The following TPD52L2 variants were observed in gnomAD, a reference collection of about 807,000 sequenced individuals.
TPD52L2 encodes the protein TPD52 like 2.
TPD52L2 carries 19 observed loss-of-function variants against 24.7 expected under a neutral mutation model. The observed-to-expected ratio is 0.77, with a 90% CI of 0.54 to 1.13. The LOEUF (loss-of-function observed/expected upper bound fraction) is 1.13, where lower values mean the gene tolerates loss of function less well. Among genes scored for constraint, TPD52L2 ranks in the 50% most tolerant of loss-of-function variants. The pLI, the probability that TPD52L2 is intolerant of heterozygous loss-of-function variation, is 0.00. For synonymous variants in TPD52L2, 104 were observed against 100.2 expected, an observed-to-expected ratio of 1.04 and a Z score of -0.23; for missense variants, 236 against 250.4, an observed-to-expected ratio of 0.94 and a Z score of 0.39.
chr20:63,880,864 C>T (rs1380916899), intron 4 of TPD52L2, among the ~76,000 whole-genome samples: 3 of 147,530 alleles, frequency 2.0e-5, no homozygotes, highest in Non-Finnish European at 4.4e-5. Flanking sequence ...GCACTCCAGC[C>T]TGGGCTACAG....
intron 3 of TPD52L2, among the ~76,000 whole-genome samples, chr20:63,874,806 CTTG>C (rs986331113): frequency 1.7e-4 from 26 of 152,008 alleles, no homozygotes; most frequent in African/African-American, 6.0e-4. Context: ...TTCTGTGGTC[CTTG>C]TTGTGGGTGT....
At chr20:63,866,203 C>T (rs1478006387) in intron 1 of TPD52L2, among the ~76,000 whole-genome samples, 1 of 151,988 alleles carries the variant, frequency 6.6e-6, no homozygotes, top group Non-Finnish European at 1.5e-5. Flanking sequence ...CTCCCGGGTT[C>T]AAGCGATTCT....
chr20:63,876,589 G>A, intron 4 of TPD52L2: 1 of 361,390 alleles, frequency 2.8e-6, no homozygotes, highest in South Asian at 2.0e-5. Context: ...AGTCTCTGTG[G>A]GATTTTTTCA....
chr20:63,889,371 C>T, intron 6 of TPD52L2, 133 bp downstream of exon 6: 4 of 836,256 alleles, frequency 4.8e-6, no homozygotes, highest in South Asian at 1.5e-5. Flanking sequence ...TTCCTTGTGC[C>T]TTTTACACAG....
At chr20:63,871,227 GAGAC>G (rs1343040417) in intron 2 of TPD52L2, among the ~76,000 whole-genome samples, 20 of 151,990 alleles carry the variant, frequency 1.3e-4, no homozygotes, top group African/African-American at 4.6e-4. Context: ...ATTTTTAGTA[GAGAC>G]AGAGTTTCAC....
At chr20:63,867,487 A>C (rs1042012898) in intron 1 of TPD52L2, among the ~76,000 whole-genome samples, 6 of 151,752 alleles carry the variant, frequency 4.0e-5, no homozygotes, top group Admixed American at 2.0e-4. Flanking sequence ...AATCGATTGA[A>C]CCCAGGAGGT....
intron 2 of TPD52L2, among the ~76,000 whole-genome samples, chr20:63,871,308 G>T (rs140387972): frequency 6.6e-6 from 1 of 151,498 alleles, no homozygotes; most frequent in Non-Finnish European, 1.5e-5. Context: ...CTCCCGAAGT[G>T]CTAGGATTAC....
intron 1 of TPD52L2, 99 bp from the exon 2 acceptor site, chr20:63,869,197 C>T (rs1326616263): frequency 5.7e-6 from 8 of 1,400,640 alleles, no homozygotes; most frequent in Non-Finnish European, 8.0e-6. Context: ...CAGGGTCTCA[C>T]CCACTCCCAC....
chr20:63,871,531 G>A (rs570655180), intron 2 of TPD52L2, among the ~76,000 whole-genome samples: 78 of 151,324 alleles, frequency 5.2e-4, no homozygotes, highest in African/African-American at 1.8e-3. Flanking sequence ...TGTATTTTTA[G>A]TAGAGACGGA....
intron 4 of TPD52L2, among the ~76,000 whole-genome samples, chr20:63,882,466 G>A (rs958243452): frequency 2.0e-5 from 3 of 152,260 alleles, no homozygotes; most frequent in Non-Finnish European, 2.9e-5. Context: ...CAGGGCTGGG[G>A]GGCCGAGACT....
rs550068833 is a variant in TPD52L2, at chr20:63,866,911, A to G, written c.19+1527A>G. Among the ~76,000 whole-genome samples, 18 of 151,130 alleles carry G rather than the reference A, an allele frequency of 1.2e-4. No homozygotes were observed. In the South Asian group the frequency reaches 2.1e-3, roughly 18 times the overall value. On this transcript the variant is annotated intron_variant, in intron 1 of 6. Transcript: ENST00000346249. Reference sequence around the variant, plus strand: ...GTCAGCCTCCCAGGTAGCTGGGACTATAAGACTACAGGCGCACCATGCCAG... The same window carrying G: ...GTCAGCCTCCCAGGTAGCTGGGACTGTAAGACTACAGGCGCACCATGCCAG...
chr20:63,870,994 G>A (rs777785953), intron 2 of TPD52L2, among the ~76,000 whole-genome samples: 5 of 151,158 alleles, frequency 3.3e-5, no homozygotes, highest in Non-Finnish European at 7.4e-5. Flanking sequence ...GGGATTACAG[G>A]TGTGAGCCAC....
chr20:63,875,884 C>T lies in TPD52L2; in HGVS notation c.374+9C>T. On this transcript the variant is annotated intron_variant, in intron 4 of 6. Coordinates refer to ENST00000346249, the MANE Select transcript of TPD52L2 (RefSeq NM_003288.4). Reference sequence around the variant, plus strand: ...GTGACCCAGTCAGACCTGTGAGTGCCTGTATCATCAGCACCTCCTCCTTCC... The same window carrying T: ...GTGACCCAGTCAGACCTGTGAGTGCTTGTATCATCAGCACCTCCTCCTTCC... The T allele has an allele frequency of 1.9e-6, 3 of 1,613,978 alleles. No individual in the cohort carries two copies. The highest frequency in any genetic ancestry group is 2.5e-6 in the Non-Finnish European group (3 of 1,179,876).
intron 5 of TPD52L2, chr20:63,888,081 G>A (rs1452799313): frequency 1.1e-5 from 2 of 182,562 alleles, no homozygotes; most frequent in Non-Finnish European, 2.3e-5. Context: ...ATTCTCAGGA[G>A]AGCCCAGAAC....
In TPD52L2 at chr20:63,890,075, C is replaced by T. The variant is rs2053276001; in HGVS notation, c.*130C>T. The T allele has an allele frequency of 6.6e-7, 1 of 1,519,404 alleles. No homozygotes were observed. The highest frequency in any genetic ancestry group is 1.4e-5 in the African/African-American group (1 of 72,678). 94.1% of individuals were successfully genotyped at this position (1,519,404 alleles called of 1,614,324 possible). ...CGGCCCTGAGGACAGTCCTGCCCAT[C>T]CACGCGGAGATGTGGCTGCCGCGTT... On this transcript the variant is annotated 3_prime_UTR_variant, in exon 7 of 7. Coordinates refer to ENST00000346249, the MANE Select transcript of TPD52L2 (RefSeq NM_003288.4).
rs184562437 is a variant in TPD52L2 at position 63,876,888 on chromosome 20, C to T, written c.374+1013C>T. On this transcript the variant is annotated intron_variant, in intron 4 of 6. Transcript: ENST00000346249. The stretch of plus-strand genomic sequence containing the variant: ...TGTACATCTGGGTGCTCTGGGGACC[C>T]GGGCGGTTCACGGCATGTTGCCCTG... 514 of 455,398 alleles carry T rather than the reference C, an allele frequency of 1.1e-3. 6 individuals are homozygous for T. The highest frequency in any genetic ancestry group is 1.2e-3 in the Non-Finnish European group (282 of 226,660). 28.2% of individuals were successfully genotyped at this position (455,398 alleles called of 1,614,324 possible).
At chr20:63,889,750 T>C (rs943165320) in intron 6 of TPD52L2, 100 bp from the exon 7 acceptor site, 5 of 1,162,392 alleles carry the variant, frequency 4.3e-6, no homozygotes, top group African/African-American at 3.1e-5. Flanking sequence ...GTGTTCGTGT[T>C]ACATAAGCTT....
At chr20:63,875,899 C>T (rs1195438685) in intron 4 of TPD52L2, 24 bp downstream of exon 4, 2 of 1,609,746 alleles carry the variant, frequency 1.2e-6, no homozygotes, top group Admixed American at 3.3e-5. Context: ...TCATCAGCAC[C>T]TCCTCCTTCC....
chr20:63,882,447 G>A (rs2052935478), intron 4 of TPD52L2, among the ~76,000 whole-genome samples: 1 of 152,260 alleles, frequency 6.6e-6, no homozygotes, highest in Non-Finnish European at 1.5e-5. Flanking sequence ...TGAGAAAGCA[G>A]CGTCATTGCA....
Sources: allele counts gnomAD v4.1 joint callset (sites outside exome capture counted in the v4.1 genomes callset), GRCh38; gene constraint gnomAD v4.1.1; transcripts MANE v1.5; gene names NCBI Gene and HGNC (gene_info 2026-07-23, HGNC 2026-07-21).